STAP1: variants seen among roughly 807,000 people sequenced by gnomAD.
The protein encoded by STAP1 is signal transducing adaptor family member 1.
A neutral mutation model predicts 37.8 loss-of-function variants in STAP1; 30 were observed. The observed-to-expected ratio is 0.79, with a 90% CI of 0.59 to 1.08. The LOEUF (loss-of-function observed/expected upper bound fraction) is 1.08. Ranked by LOEUF, STAP1 falls within the 50% of genes least tolerant of loss-of-function variation. The probability of loss-of-function intolerance (pLI) is 0.00; values close to 1 mark genes in which losing one functional copy is unlikely to be tolerated. For missense variants in STAP1, 357 were observed against 349.4 expected (o/e 1.02, Z -0.17); for synonymous variants, 130 against 116.0 (o/e 1.12, Z -0.78).
At chr4:67,572,422 T>C (rs1197272773) in intron 2 of STAP1, among the ~76,000 whole-genome samples, 1 of 152,080 alleles carries the variant, frequency 6.6e-6, no homozygotes, top group Non-Finnish European at 1.5e-5. Context: ...GAGAGTATGA[T>C]CTTTGACTGA....
At chr4:67,600,460 G>GA (rs2109878254) in intron 8 of STAP1, among the ~76,000 whole-genome samples, 1 of 151,992 alleles carries the variant, frequency 6.6e-6, no homozygotes, top group East Asian at 1.9e-4. Flanking sequence ...TGTTCTGAAG[G>GA]AAAAAATGTG....
intron 8 of STAP1, among the ~76,000 whole-genome samples, chr4:67,602,157 T>A (rs1294922271): frequency 1.3e-5 from 2 of 152,046 alleles, no homozygotes; most frequent in Non-Finnish European, 2.9e-5. Flanking sequence ...CTTCAGAATG[T>A]CAATTTTTCA....
chr4:67,604,224 C>T (rs934600671), intron 8 of STAP1, among the ~76,000 whole-genome samples: 8 of 152,232 alleles, frequency 5.3e-5, no homozygotes, highest in South Asian at 4.1e-4. Flanking sequence ...TCTCTCTGCA[C>T]GAGCAGCCAC....
rs899921014 is a variant in STAP1 at position 67,560,673 on chromosome 4, T to A, written c.120+1744T>A. 2.6e-5 allele frequency among the ~76,000 whole-genome samples: 4 copies of A among 151,980 alleles called. No homozygotes were observed. In the East Asian group the frequency reaches 5.8e-4, roughly 22 times the overall value. ...GTGTCTGTGTGTGTGTGTGTGTGTG[T>A]GACAGTGTCTCCTCTGTTGCCCAAG... On this transcript the variant is annotated intron_variant, in intron 1 of 8. Coordinates refer to ENST00000265404, the MANE Select transcript of STAP1 (RefSeq NM_012108.4).
chr4:67,594,336 G>A (rs1165332203), intron 8 of STAP1, among the ~76,000 whole-genome samples: 10 of 152,112 alleles, frequency 6.6e-5, no homozygotes, highest in Non-Finnish European at 1.3e-4. Flanking sequence ...TAAATAATAA[G>A]AGTAACCAAA....
intron 1 of STAP1, among the ~76,000 whole-genome samples, chr4:67,561,843 G>T (rs1727345349): frequency 6.6e-6 from 1 of 151,974 alleles, no homozygotes; most frequent in South Asian, 2.1e-4. Flanking sequence ...GGAGGCCCAG[G>T]TGGGCGGATC....
chr4:67,593,238 C>G, intron 7 of STAP1, 22 bp from the exon 8 acceptor site: 5 of 1,557,404 alleles, frequency 3.2e-6, no homozygotes, highest in Non-Finnish European at 4.4e-6. Context: ...GCTGAGTTTT[C>G]TCTCACTCTC....
At position 67,586,415 on chromosome 4, in the gene STAP1, C is replaced by A. The variant is rs1234602974; in HGVS notation, c.659+2713C>A. On this transcript the variant is annotated intron_variant, in intron 6 of 8. Transcript: ENST00000265404. ...GAGGTTGCAGTGAGCTGATATTGCACCACTGCACTCCAGCATGGGCAAGAA... is the reference window on the plus strand; with the variant it reads ...GAGGTTGCAGTGAGCTGATATTGCAACACTGCACTCCAGCATGGGCAAGAA... 2.0e-5 allele frequency among the ~76,000 whole-genome samples: 3 copies of A among 152,158 alleles called. No individual in the cohort carries two copies. In the East Asian group the frequency reaches 5.8e-4, roughly 29 times the overall value.
At chr4:67,558,975 T>A (rs1727275442) in intron 1 of STAP1, 46 bp downstream of exon 1, 1 of 1,516,450 alleles carries the variant, frequency 6.6e-7, no homozygotes, top group Admixed American at 2.1e-5. Context: ...TCTGTTTTAA[T>A]TTAATATTTA....
At chr4:67,572,347 A>G (rs564896165) in intron 2 of STAP1, among the ~76,000 whole-genome samples, 2 of 152,370 alleles carry the variant, frequency 1.3e-5, no homozygotes, top group East Asian at 3.9e-4. Flanking sequence ...GTTCATTACC[A>G]TGCCTAGGAC....
intron 2 of STAP1, among the ~76,000 whole-genome samples, chr4:67,574,783 A>G (rs1727681771): frequency 6.6e-6 from 1 of 152,232 alleles, no homozygotes; most frequent in Non-Finnish European, 1.5e-5. Context: ...TGCCTGAAGT[A>G]TGGTACTGTT....
At chr4:67,580,886 T>A (rs1271144995) in intron 4 of STAP1, among the ~76,000 whole-genome samples, 1 of 152,238 alleles carries the variant, frequency 6.6e-6, no homozygotes, top group Non-Finnish European at 1.5e-5. Context: ...AATCCCATGT[T>A]GCCATATGGC....
intron 4 of STAP1, among the ~76,000 whole-genome samples, chr4:67,577,651 C>CTTTT (rs71219058): frequency 1.2e-4 from 11 of 91,576 alleles, no homozygotes; most frequent in African/African-American, 3.4e-4. Context: ...TTCTTTCTTT[C>CTTTT]TTTTTTTTTT....
Position 67,598,573 on chromosome 4 carries a change from GTCT to G in STAP1, c.826+5222_826+5224del, listed in dbSNP as rs1055140279. Reference sequence around the variant, plus strand: ...TCATATGCCTGTTTGCCATTTGTATGTCTTCTTTTGAGAAATGTCTATTCAGAT... The same window carrying G: ...TCATATGCCTGTTTGCCATTTGTATGTCTTTTGAGAAATGTCTATTCAGAT... On this transcript the variant is annotated intron_variant, in intron 8 of 8. Coordinates refer to ENST00000265404, the MANE Select transcript of STAP1 (RefSeq NM_012108.4). Among the ~76,000 whole-genome samples the G allele has an allele frequency of 5.9e-4, 90 of 152,226 alleles. 1 individual carries two copies. The highest frequency in any genetic ancestry group is 2.1e-3 in the African/African-American group (88 of 41,550).
At chr4:67,567,370 G>GA (rs966779200) in intron 1 of STAP1, among the ~76,000 whole-genome samples, 20 of 151,878 alleles carry the variant, frequency 1.3e-4, no homozygotes, top group Non-Finnish European at 2.2e-4. Flanking sequence ...TTCTCAACTG[G>GA]GGGGAGGATA....
At chr4:67,600,489 T>A (rs1396753000) in intron 8 of STAP1, among the ~76,000 whole-genome samples, 1 of 152,202 alleles carries the variant, frequency 6.6e-6, no homozygotes, top group Non-Finnish European at 1.5e-5. Context: ...AGATGCTGAA[T>A]GAAATGTTCT....
rs201666437 is a variant in STAP1, at chr4:67,571,136, C to T, written c.173C>T (p.Thr58Ile). 26 of 1,609,118 alleles carry T rather than the reference C, an allele frequency of 1.6e-5. No homozygotes were observed. The highest frequency in any genetic ancestry group is 8.5e-6 in the Non-Finnish European group (10 of 1,175,888). ...AGAGGAACTACTCTTTTCTTTTATACCGACAAAAAGAGTATAATAGTAAGT... is the reference window on the plus strand; with the variant it reads ...AGAGGAACTACTCTTTTCTTTTATATCGACAAAAAGAGTATAATAGTAAGT... ...ELRGTTLFFY[T>I]DKKSIIYVDK... The change falls in exon 2 of 9, where the codon ACC becomes ATC. Residue 58 changes from threonine to isoleucine, a missense_variant. By Grantham distance (89) the Thr-to-Ile change is moderately conservative (BLOSUM62 -1). Transcript: ENST00000265404.
In STAP1 at chr4:67,606,195, GT is replaced by G. The variant is rs1728445458; in HGVS notation, c.827-99del. ...AACAATTACTAAACACACCAGCAAT[GT>G]TCCACACACGAGCAGGAAAATCAAC... is the stretch of plus-strand genomic sequence containing the variant. On this transcript the variant is annotated intron_variant, in intron 8 of 8. Transcript: ENST00000265404. 5.7e-6 allele frequency: 5 copies of G among 883,714 alleles called. No individual in the cohort carries two copies. The African/African-American group carries it at 6.8e-5, about 12-fold the overall frequency. 54.7% of individuals were successfully genotyped at this position (883,714 alleles called of 1,614,324 possible). A position where few individuals can be genotyped will look rare whatever the true frequency, so the allele number is the denominator to read the frequency against.
intron 8 of STAP1, among the ~76,000 whole-genome samples, chr4:67,595,372 C>CAAAAAAAAA (rs34185676): frequency 1.1e-5 from 1 of 87,812 alleles, no homozygotes; most frequent in African/African-American, 4.6e-5. Flanking sequence ...TTCGTTTCTA[C>CAAAAAAAAA]AAAAAAAAAA....
Sources: gnomAD v4.1 joint callset for allele counts (sites outside exome capture counted in the v4.1 genomes callset) on GRCh38, gnomAD v4.1.1 for gene constraint, MANE v1.5 for transcripts, NCBI Gene and HGNC (gene_info 2026-07-23, HGNC 2026-07-21) for gene names.